Variants in ADGRB1 observed in about 807,000 individuals in gnomAD.
ADGRB1 encodes the protein brain-specific angiogenesis inhibitor 1.
A neutral mutation model predicts 175.7 loss-of-function variants in ADGRB1; 36 were observed. The ratio of observed to expected loss-of-function variants is 0.20; its 90% CI spans 0.16 to 0.27. The LOEUF is 0.27. ADGRB1 is among the 10% of genes least tolerant of loss of function. ADGRB1 has a pLI of 1.00. For missense variants in ADGRB1, 1,731 were observed against 2,255.3 expected (o/e 0.77, Z 4.71); for synonymous variants, 1,054 against 979.4 (o/e 1.08, Z -1.42).
At chr8:142,540,454 C>T (rs1165559929) in intron 27 of ADGRB1, among the ~76,000 whole-genome samples, 4 of 148,520 alleles carry the variant, frequency 2.7e-5, no homozygotes, top group African/African-American at 7.4e-5. Context: ...CTGGCTACAG[C>T]GCCTGGTGGA....
chr8:142,539,705 G>T, intron 27 of ADGRB1: 1 of 546,654 alleles, frequency 1.8e-6, no homozygotes, highest in East Asian at 3.0e-5. Flanking sequence ...GGAGCGCCTG[G>T]CTGCGTCCCC....
In ADGRB1 at chr8:142,526,765, G is replaced by A; in HGVS notation, c.3398+138G>A. The A allele has an allele frequency of 5.9e-6, 5 of 852,266 alleles. No homozygotes were observed. In the South Asian group the frequency reaches 7.8e-5, roughly 13 times the overall value. 52.8% of individuals were successfully genotyped at this position (852,266 alleles called of 1,614,324 possible). ...GACCCCGGAGCGGGTGGGAAACGGA[G>A]GCACTGAGTACAGAGGCCCCTTAGG... On this transcript the variant is annotated intron_variant, in intron 24 of 30. Transcript: ENST00000517894.
intron 3 of ADGRB1, among the ~76,000 whole-genome samples, chr8:142,476,313 C>G (rs1024731929): frequency 1.3e-5 from 2 of 152,142 alleles, no homozygotes; most frequent in African/African-American, 4.8e-5. Context: ...GTGCCAGGCA[C>G]GGGAGAGCAG....
chr8:142,478,053 C>T, intron 6 of ADGRB1, 134 bp from the exon 7 acceptor site: 3 of 1,226,410 alleles, frequency 2.4e-6, no homozygotes, highest in East Asian at 5.1e-5. Flanking sequence ...TGGGTGGTGG[C>T]CCCCAGGGTG....
At chr8:142,495,914 A>G in intron 17 of ADGRB1, among the ~76,000 whole-genome samples, 1 of 7,906 alleles carries the variant, frequency 1.3e-4, no homozygotes, top group East Asian at 4.7e-3. Flanking sequence ...TGAGTGCATG[A>G]GTGGGTGGGC....
At position 142,541,889 on chromosome 8, in the gene ADGRB1, G is replaced by T. The variant is rs372344753; in HGVS notation, c.3707-52G>T. The T allele has an allele frequency of 1.5e-4, 221 of 1,488,610 alleles. No individual in the cohort carries two copies. The African/African-American group carries it at 2.9e-3, about 20-fold the overall frequency. 92.2% of individuals were successfully genotyped at this position (1,488,610 alleles called of 1,614,324 possible). A position where few individuals can be genotyped will look rare whatever the true frequency, so the allele number is the denominator to read the frequency against. On this transcript the variant is annotated intron_variant, in intron 27 of 30. Coordinates refer to ENST00000517894, the MANE Select transcript of ADGRB1 (RefSeq NM_001702.3). Reference sequence around the variant, plus strand: ...CCTCTCCTGCTGGGGACTGTCCTACGCCATCCTCACCCCCACACCTGTCCC... The same window carrying T: ...CCTCTCCTGCTGGGGACTGTCCTACTCCATCCTCACCCCCACACCTGTCCC...
chr8:142,510,909 T>TC lies in ADGRB1; in HGVS notation c.2676-20dup. 1.9e-6 allele frequency: 2 copies of TC among 1,051,274 alleles called. No individual in the cohort carries two copies. Among genetic ancestry groups the TC allele is most frequent in the Non-Finnish European group, 2.3e-6 (2 of 867,544 alleles). The allele number at this position is 1,051,274 out of a possible 1,614,324, so 65.1% of individuals were successfully genotyped here. On this transcript the variant is annotated intron_variant, in intron 17 of 30. Transcript: ENST00000517894. The surrounding 1 kb of genome is among the most constrained non-coding windows in gnomAD (Gnocchi z 6.3). ...GCCGCTGACGCTCCGCCTGTCTCCCTCCCGTGTCCCGCCCGCCCCCAGACC... is the reference window on the plus strand; with the variant it reads ...GCCGCTGACGCTCCGCCTGTCTCCCTCCCCGTGTCCCGCCCGCCCCCAGACC...
intron 1 of ADGRB1, among the ~76,000 whole-genome samples, chr8:142,453,328 C>T (rs1243747295): frequency 6.6e-6 from 1 of 152,242 alleles, no homozygotes; most frequent in Admixed American, 6.5e-5. Context: ...TAGTCAAACC[C>T]CGTTTTACCG....
chr8:142,481,259 A>C lies in ADGRB1; in HGVS notation c.1834A>C (p.Ile612Leu), dbSNP rs1188247267. The C allele has an allele frequency of 6.2e-7, 1 of 1,613,602 alleles. No homozygotes were observed. Among genetic ancestry groups the C allele is most frequent in the South Asian group, 1.1e-5 (1 of 91,076 alleles). ...GAAGGGGATGGTCTCCCCAGGACTCATCCTGCGACGGTGTGAGCTGGACGA... is the reference window on the plus strand; with the variant it reads ...GAAGGGGATGGTCTCCCCAGGACTCCTCCTGCGACGGTGTGAGCTGGACGA... Reference protein sequence around the residue: ...VRCPRNATGLILRRCELDEEG... With the variant: ...VRCPRNATGLLLRRCELDEEG... Residue 612 changes from isoleucine to leucine, a missense_variant, in exon 10 of 31, where the codon ATC (isoleucine) becomes CTC (leucine). This residue lies in a region of ADGRB1 where 388 missense variants were observed against 630.9 expected (regional missense o/e 0.61). Transcript: ENST00000517894.
intron 18 of ADGRB1, among the ~76,000 whole-genome samples, chr8:142,517,801 G>A (rs1203683331): frequency 5.3e-5 from 8 of 152,182 alleles, no homozygotes; most frequent in Non-Finnish European, 1.0e-4. Context: ...CCCTGGCCCC[G>A]TCTGCAGTGT....
intron 17 of ADGRB1, among the ~76,000 whole-genome samples, chr8:142,509,714 G>A (rs941889234): frequency 2.6e-5 from 4 of 152,264 alleles, no homozygotes; most frequent in African/African-American, 7.2e-5. Context: ...TCCGGGGGCA[G>A]GGGCTGTGTC....
intron 27 of ADGRB1, 62 bp from the exon 28 acceptor site, chr8:142,541,879 A>ACCCTCTCCTGCTGGCCC (rs1269193095): frequency 6.9e-7 from 1 of 1,453,956 alleles, no homozygotes; most frequent in Non-Finnish European, 9.2e-7. Context: ...CCTGCTGGGG[A>ACCCTCTCCTGCTGGCCC]CTGTCCTACG....
Position 142,541,975 on chromosome 8 carries a change from C to T in ADGRB1, c.3741C>T (p.Ala1247=), listed in dbSNP as rs553868071. The change falls in exon 28 of 31, where the codon GCC becomes GCT. Residue 1247 remains alanine, a synonymous_variant. Coordinates refer to ENST00000517894, the MANE Select transcript of ADGRB1 (RefSeq NM_001702.3). ...LNKDIAACRT[A]TITGTLKRPS... ...AGGACATCGCGGCCTGCCGCACTGC[C>T]ACCATCACGGGCACACTGAAGCGGC... is the stretch of plus-strand genomic sequence containing the variant. 2.5e-6 allele frequency: 4 copies of T among 1,575,924 alleles called. No homozygotes were observed. In the South Asian group the frequency reaches 4.6e-5, roughly 18 times the overall value.
At chr8:142,500,243 A>G in intron 17 of ADGRB1, among the ~76,000 whole-genome samples, 1 of 7,536 alleles carries the variant, frequency 1.3e-4, no homozygotes, top group African/African-American at 5.8e-4. Context: ...CCACCTCCCC[A>G]CGCGCCGCTC....
intron 24 of ADGRB1, among the ~76,000 whole-genome samples, chr8:142,528,962 C>T (rs538892874): frequency 8.5e-5 from 13 of 152,294 alleles, no homozygotes; most frequent in Non-Finnish European, 1.2e-4. Flanking sequence ...CTCTGGGGCC[C>T]GAGTGTGTGC....
At chr8:142,535,247 A>G (rs1053389126) in intron 25 of ADGRB1, among the ~76,000 whole-genome samples, 7 of 152,298 alleles carry the variant, frequency 4.6e-5, no homozygotes, top group African/African-American at 1.7e-4. Flanking sequence ...GGCTCCAGGG[A>G]GGCAGAGCCC....
intron 24 of ADGRB1, 54 bp downstream of exon 24, chr8:142,526,681 C>T: frequency 6.6e-7 from 1 of 1,519,688 alleles, no homozygotes; most frequent in East Asian, 2.4e-5. Flanking sequence ...GACCCAGAGC[C>T]CACCCAGCCC....
intron 17 of ADGRB1, among the ~76,000 whole-genome samples, 183 bp downstream of exon 17, chr8:142,490,998 G>T (rs764739515): frequency 6.6e-6 from 1 of 152,148 alleles, no homozygotes. Flanking sequence ...CCACCAGGCC[G>T]CCTCCCACCC....
chr8:142,509,340 G>A (rs2132028486), intron 17 of ADGRB1, among the ~76,000 whole-genome samples: 1 of 152,286 alleles, frequency 6.6e-6, no homozygotes, highest in East Asian at 1.9e-4. Flanking sequence ...AGCAAGAGGT[G>A]GTATAGGTAA....
Sources: gnomAD v4.1 joint callset for allele counts (sites outside exome capture counted in the v4.1 genomes callset) on GRCh38, gnomAD v4.1.1 for gene constraint, gnomAD v4.1.1 regional missense constraint, Gnocchi (gnomAD v3.1) non-coding constraint, MANE v1.5 for transcripts, NCBI Gene and HGNC (gene_info 2026-07-23, HGNC 2026-07-21) for gene names.